CAPN13: variants seen among roughly 807,000 people sequenced by gnomAD.
CAPN13 encodes the protein calpain 13, also known as calpain-13.
In CAPN13, 90 loss-of-function variants were observed where a neutral mutation model predicts 98.4. That is an observed-to-expected ratio of 0.92 (90% CI 0.77 to 1.09). The LOEUF (loss-of-function observed/expected upper bound fraction) is 1.09. Ranked by LOEUF, CAPN13 falls within the 50% of genes least tolerant of loss-of-function variation. The probability of loss-of-function intolerance (pLI) is 0.00; values close to 1 mark genes in which losing one functional copy is unlikely to be tolerated. For synonymous variants in CAPN13, 330 were observed against 305.5 expected, an observed-to-expected ratio of 1.08 and a Z score of -0.84; for missense variants, 887 against 841.3, an observed-to-expected ratio of 1.05 and a Z score of -0.67.
intron 19 of CAPN13, among the ~76,000 whole-genome samples, chr2:30,734,200 AGCTGT>A: frequency 6.6e-6 from 1 of 152,174 alleles, no homozygotes. Context: ...TCACAATTAG[AGCTGT>A]GCTGGGGAGG....
chr2:30,771,885 C>G (rs1673430123), intron 4 of CAPN13, among the ~76,000 whole-genome samples: 1 of 152,136 alleles, frequency 6.6e-6, no homozygotes, highest in African/African-American at 2.4e-5. Context: ...GATGAGATCA[C>G]AAAAGGTGAG....
In CAPN13 at chr2:30,738,158, G is replaced by A. The variant is rs765359220; in HGVS notation, c.1653+77C>T. On this transcript the variant is annotated intron_variant, in intron 17 of 22. Transcript: ENST00000295055. ...CTGAGTGGGAAAAGGGTTCCCTACT[G>A]TCCTAATTAGGTCTCTGGGGAAGCC... 4 of 1,513,200 alleles carry A rather than the reference G, an allele frequency of 2.6e-6. No homozygotes were observed. The East Asian group carries it at 9.1e-5, about 34-fold the overall frequency. The allele number at this position is 1,513,200 out of a possible 1,614,324, so 93.7% of individuals were successfully genotyped here.
At chr2:30,783,472 G>A (rs1486519245) in intron 2 of CAPN13, among the ~76,000 whole-genome samples, 1 of 152,164 alleles carries the variant, frequency 6.6e-6, no homozygotes, top group African/African-American at 2.4e-5. Flanking sequence ...CAGCAAAATG[G>A]TTTAGATTAT....
At chr2:30,759,987 G>A (rs1222757081) in intron 7 of CAPN13, among the ~76,000 whole-genome samples, 1 of 152,190 alleles carries the variant, frequency 6.6e-6, no homozygotes, top group Non-Finnish European at 1.5e-5. Flanking sequence ...AGCAGAAGGG[G>A]CTCTGACTTG....
chr2:30,805,134 C>G (rs1387271333), intron 1 of CAPN13, among the ~76,000 whole-genome samples: 1 of 152,140 alleles, frequency 6.6e-6, no homozygotes, highest in Non-Finnish European at 1.5e-5. Context: ...GGTCAGAAGA[C>G]ACAAGCTGGA....
At chr2:30,734,374 C>G in intron 19 of CAPN13, 75 bp downstream of exon 19, 3 of 1,143,330 alleles carry the variant, frequency 2.6e-6, no homozygotes, top group Non-Finnish European at 2.6e-6. Context: ...GTTGTGCCAG[C>G]CTTGCTACTA....
chr2:30,803,907 C>T, intron 1 of CAPN13, among the ~76,000 whole-genome samples: 1 of 152,168 alleles, frequency 6.6e-6, no homozygotes, highest in East Asian at 1.9e-4. Context: ...GACAAGGAAA[C>T]AGGCTTAAGG....
chr2:30,741,654 T>C (rs1671663393), intron 15 of CAPN13: 2 of 1,339,438 alleles, frequency 1.5e-6, no homozygotes, highest in Non-Finnish European at 1.9e-6. Flanking sequence ...TCACACCCCA[T>C]AATTATCCCC....
chr2:30,726,573 G>A (rs992476640), intron 22 of CAPN13, among the ~76,000 whole-genome samples: 2 of 152,048 alleles, frequency 1.3e-5, no homozygotes, highest in Admixed American at 6.6e-5. Flanking sequence ...TTTTATTGCT[G>A]TACACTAGCA....
Position 30,734,606 on chromosome 2 carries a change from C to G in CAPN13, c.1723-82G>C. Reference sequence around the variant, plus strand: ...CCTTTTCCATCCTGGGAGCTTGCTTCCCTAAACCTCAGAGGAAGGCACGGT... The same window carrying G: ...CCTTTTCCATCCTGGGAGCTTGCTTGCCTAAACCTCAGAGGAAGGCACGGT... On this transcript the variant is annotated intron_variant, in intron 18 of 22. Coordinates refer to ENST00000295055, the MANE Select transcript of CAPN13 (RefSeq NM_144575.3). 7 of 1,127,096 alleles carry G rather than the reference C, an allele frequency of 6.2e-6. No homozygotes were observed. In the South Asian group the frequency reaches 9.2e-5, roughly 15 times the overall value. 69.8% of individuals were successfully genotyped at this position (1,127,096 alleles called of 1,614,324 possible). A position where few individuals can be genotyped will look rare whatever the true frequency, so the allele number is the denominator to read the frequency against.
chr2:30,788,257 T>G (rs1010313645), intron 1 of CAPN13, among the ~76,000 whole-genome samples: 2 of 152,336 alleles, frequency 1.3e-5, no homozygotes, highest in South Asian at 4.1e-4. Context: ...ATGAATCTCA[T>G]AGGTTTGTTA....
chr2:30,801,558 T>G (rs1414320261), intron 1 of CAPN13, among the ~76,000 whole-genome samples: 1 of 130,148 alleles, frequency 7.7e-6, no homozygotes, highest in Non-Finnish European at 1.5e-5. Context: ...TGAGCCAAGA[T>G]CATGCCATTG....
intron 12 of CAPN13, 85 bp downstream of exon 12, chr2:30,745,638 G>T: frequency 7.2e-7 from 1 of 1,381,180 alleles, no homozygotes; most frequent in Non-Finnish European, 1.0e-6. Context: ...CTGAACACGT[G>T]GAGGCCATGG....
intron 1 of CAPN13, among the ~76,000 whole-genome samples, chr2:30,796,855 T>C (rs868385088): frequency 3.3e-5 from 5 of 152,222 alleles, no homozygotes; most frequent in South Asian, 4.1e-4. Flanking sequence ...GGCACTGCTC[T>C]AGACAGGCTA....
chr2:30,736,051 G>A (rs1211732771), intron 18 of CAPN13, among the ~76,000 whole-genome samples: 1 of 152,110 alleles, frequency 6.6e-6, no homozygotes, highest in Non-Finnish European at 1.5e-5. Flanking sequence ...CCCAAATAGG[G>A]ACCCACTTAG....
chr2:30,765,751 CG>C (rs1276796762), intron 5 of CAPN13, among the ~76,000 whole-genome samples: 10 of 152,212 alleles, frequency 6.6e-5, no homozygotes, highest in African/African-American at 2.2e-4. Context: ...GACTCTGCCC[CG>C]GGCACGAATG....
At chr2:30,804,995 C>T (rs1675524548) in intron 1 of CAPN13, among the ~76,000 whole-genome samples, 1 of 152,176 alleles carries the variant, frequency 6.6e-6, no homozygotes, top group South Asian at 2.1e-4. Flanking sequence ...TTAGCCTCAA[C>T]CTGTCTCTAG....
rs117652000 is a variant in CAPN13 at position 30,758,679 on chromosome 2, G to A, written c.775-542C>T. ...AAGATAGCCAAGGCTAGCCCTCCTCGTCCTGCATCCCGGAGCTGATGAGAC... is the reference window on the plus strand; with the variant it reads ...AAGATAGCCAAGGCTAGCCCTCCTCATCCTGCATCCCGGAGCTGATGAGAC... On this transcript the variant is annotated intron_variant, in intron 7 of 22. Coordinates refer to ENST00000295055, the MANE Select transcript of CAPN13 (RefSeq NM_144575.3). Among the ~76,000 whole-genome samples the A allele has an allele frequency of 3.1e-4, 47 of 152,230 alleles. No individual in the cohort carries two copies. The East Asian group carries it at 6.6e-3, about 21-fold the overall frequency.
At chr2:30,754,211 AT>A in intron 9 of CAPN13, 78 bp downstream of exon 9, 4 of 1,137,690 alleles carry the variant, frequency 3.5e-6, no homozygotes, top group Non-Finnish European at 4.8e-6. Context: ...ACCTTCGTAA[AT>A]GTTCAGGGAA....
Sources: gnomAD v4.1 joint callset for allele counts (sites outside exome capture counted in the v4.1 genomes callset) on GRCh38, gnomAD v4.1.1 for gene constraint, MANE v1.5 for transcripts, NCBI Gene and HGNC (gene_info 2026-07-23, HGNC 2026-07-21) for gene names.